Variants in ME2 observed in about 807,000 individuals in gnomAD.
The protein encoded by ME2 is malic enzyme 2.
In ME2, 60 loss-of-function variants were observed where a neutral mutation model predicts 73.7. That is an observed-to-expected ratio of 0.81 (90% CI 0.66 to 1.01). The LOEUF (loss-of-function observed/expected upper bound fraction) is 1.01. ME2 is among the 50% of genes least tolerant of loss of function. ME2 has a pLI of 0.00. For missense variants in ME2, 594 were observed against 705.5 expected, an observed-to-expected ratio of 0.84 and a Z score of 1.79; for synonymous variants, 199 against 236.9, an observed-to-expected ratio of 0.84 and a Z score of 1.47.
rs986525640 is a variant in ME2 at position 50,952,741 on chromosome 18, T to A, written c.*5557T>A. On this transcript the variant is annotated 3_prime_UTR_variant, in exon 16 of 16. Coordinates refer to ENST00000321341, the MANE Select transcript of ME2 (RefSeq NM_002396.5). The stretch of plus-strand genomic sequence containing the variant: ...TCCTTTCCTAGTTTTAAGTATATAT[T>A]CAAGCAAATCGTTGATTCCTATACA... The A allele has an allele frequency of 6.6e-6, 1 of 152,234 alleles. No individual in the cohort carries two copies. The highest frequency in any genetic ancestry group is 1.5e-5 in the Non-Finnish European group (1 of 68,040). The allele number at this position is 152,234 out of a possible 1,614,324, so 9.4% of individuals were successfully genotyped here.
At chr18:50,882,926 G>A (rs1916358823) in intron 1 of ME2, among the ~76,000 whole-genome samples, 1 of 151,926 alleles carries the variant, frequency 6.6e-6, no homozygotes, top group Admixed American at 6.6e-5. Context: ...TCCAGCCTGG[G>A]CGACAGTGAT....
At chr18:50,905,887 C>A (rs866837401) in intron 2 of ME2, among the ~76,000 whole-genome samples, 25 of 152,112 alleles carry the variant, frequency 1.6e-4, no homozygotes, top group African/African-American at 5.8e-4. Context: ...GCATGTCCGA[C>A]CCCCCATGCC....
chr18:50,925,655 CTG>C lies in ME2; in HGVS notation c.1172-97_1172-96del. On this transcript the variant is annotated intron_variant, in intron 11 of 15. Transcript: ENST00000321341. ...TGCTATCTTTGTAATGAGATATTAC[CTG>C]TGTTTTTATTATTGTAGGCCTATTG... 4 of 909,738 alleles carry C rather than the reference CTG, an allele frequency of 4.4e-6. No individual in the cohort carries two copies. The East Asian group carries it at 7.4e-5, about 17-fold the overall frequency. The allele number at this position is 909,738 out of a possible 1,614,324, so 56.4% of individuals were successfully genotyped here.
intron 3 of ME2, among the ~76,000 whole-genome samples, chr18:50,912,127 G>A (rs1917172238): frequency 6.6e-6 from 1 of 152,160 alleles, no homozygotes; most frequent in Non-Finnish European, 1.5e-5. Flanking sequence ...CGTGATAGCA[G>A]AAGAAACAAG....
chr18:50,892,473 G>A (rs978395360), intron 1 of ME2, among the ~76,000 whole-genome samples: 32 of 152,166 alleles, frequency 2.1e-4, no homozygotes, highest in African/African-American at 7.7e-4. Context: ...AATGTTTACT[G>A]TTGACTATTC....
intron 1 of ME2, among the ~76,000 whole-genome samples, chr18:50,885,689 A>G (rs1181161003): frequency 6.6e-6 from 1 of 152,078 alleles, no homozygotes; most frequent in Non-Finnish European, 1.5e-5. Context: ...TATTTTTAAC[A>G]CTGTGCTGCT....
chr18:50,893,568 G>A (rs888888485), intron 1 of ME2, among the ~76,000 whole-genome samples: 3 of 152,180 alleles, frequency 2.0e-5, no homozygotes, highest in Non-Finnish European at 4.4e-5. Context: ...GACTCAAAAA[G>A]TTTGTGTAGG....
intron 3 of ME2, among the ~76,000 whole-genome samples, chr18:50,908,701 T>G (rs1180575970): frequency 2.7e-5 from 4 of 148,536 alleles, no homozygotes; most frequent in Non-Finnish European, 6.0e-5. Context: ...AGTGCAGTGG[T>G]GCGATCTCAG....
intron 1 of ME2, among the ~76,000 whole-genome samples, chr18:50,885,940 G>A (rs530049069): frequency 1.2e-3 from 183 of 152,216 alleles, no homozygotes; most frequent in African/African-American, 2.2e-3. Flanking sequence ...AAGAAGTCCA[G>A]TGAAGAATTC....
chr18:50,920,798 T>C (rs1386534993), intron 9 of ME2, 40 bp downstream of exon 9: 2 of 1,431,290 alleles, frequency 1.4e-6, no homozygotes, highest in African/African-American at 2.9e-5. Flanking sequence ...GCCTATCCTC[T>C]CTTATAGAAT....
rs536853446 is a variant in ME2 at position 50,902,570 on chromosome 18, T to G, written c.109-5493T>G. On this transcript the variant is annotated intron_variant, in intron 2 of 15. Transcript: ENST00000321341. ...GTGCCACCACGCCTGGCTAATTTTG[T>G]ATTTTTGGTAGAGACGGGGTTTCAG... 8.5e-5 allele frequency among the ~76,000 whole-genome samples: 13 copies of G among 152,282 alleles called. No homozygotes were observed. In the South Asian group the frequency reaches 2.7e-3, roughly 32 times the overall value.
chr18:50,914,034 C>T (rs1031463275), intron 4 of ME2, among the ~76,000 whole-genome samples: 1 of 152,154 alleles, frequency 6.6e-6, no homozygotes, highest in African/African-American at 2.4e-5. Flanking sequence ...TGTCTAGTGG[C>T]TTTCAAACTT....
intron 13 of ME2, among the ~76,000 whole-genome samples, chr18:50,937,618 A>G (rs1917847557): frequency 6.6e-6 from 1 of 152,164 alleles, no homozygotes; most frequent in African/African-American, 2.4e-5. Context: ...AAGAGAAGGA[A>G]AGTTTTAAAA....
rs1446285030 is a variant in ME2 at position 50,925,740 on chromosome 18, C to A, written c.1172-16C>A. ...CCTATAATGAAGTTGCTGTTTTTCC[C>A]CCTTACTTATTACAGGAGTTGCAGG... On this transcript the variant is annotated splice_polypyrimidine_tract_variant and intron_variant, in intron 11 of 15. Transcript: ENST00000321341. 1 of 1,611,658 alleles carries A rather than the reference C, an allele frequency of 6.2e-7. No homozygotes were observed. The highest frequency in any genetic ancestry group is 8.5e-7 in the Non-Finnish European group (1 of 1,178,628).
chr18:50,939,457 G>A lies in ME2; in HGVS notation c.1418-113G>A, dbSNP rs144871433. 9,772 of 625,500 alleles carry A rather than the reference G, an allele frequency of 0.016. 126 individuals are homozygous for A. Among genetic ancestry groups the A allele is most frequent in the Middle Eastern group, 0.048 (179 of 3,742 alleles). 38.7% of individuals were successfully genotyped at this position (625,500 alleles called of 1,614,324 possible). A position where few individuals can be genotyped will look rare whatever the true frequency, so the allele number is the denominator to read the frequency against. Reference sequence around the variant, plus strand: ...TTCTTCTTGGCTGTTTTCTGTTTGGGGGGAGCTGTTTGCGATGTGGATGGA... The same window carrying A: ...TTCTTCTTGGCTGTTTTCTGTTTGGAGGGAGCTGTTTGCGATGTGGATGGA... On this transcript the variant is annotated intron_variant, in intron 13 of 15. Transcript: ENST00000321341.
chr18:50,919,791 GA>G, intron 7 of ME2, among the ~76,000 whole-genome samples: 1 of 152,024 alleles, frequency 6.6e-6, no homozygotes, highest in South Asian at 2.1e-4. Flanking sequence ...GGATGCAGAA[GA>G]AAGTCCCTCT....
At chr18:50,905,004 T>G (rs1385831811) in intron 2 of ME2, among the ~76,000 whole-genome samples, 1 of 152,030 alleles carries the variant, frequency 6.6e-6, no homozygotes, top group Non-Finnish European at 1.5e-5. Flanking sequence ...CATCTTTTTT[T>G]TGAGACGGAA....
rs982842887 is a variant in ME2, at chr18:50,950,986, T to C, written c.*3802T>C. The stretch of plus-strand genomic sequence containing the variant: ...ACAGAATAGTTTTCATCTAGTTTTA[T>C]TATGTTTTTACAGGCTGTTTACAAG... On this transcript the variant is annotated 3_prime_UTR_variant, in exon 16 of 16. Transcript: ENST00000321341. 4 of 152,226 alleles carry C rather than the reference T, an allele frequency of 2.6e-5. No individual in the cohort carries two copies. The highest frequency in any genetic ancestry group is 5.9e-5 in the Non-Finnish European group (4 of 68,038). The allele number at this position is 152,226 out of a possible 1,614,324, so 9.4% of individuals were successfully genotyped here.
chr18:50,933,022 A>G (rs1917735884), intron 13 of ME2: 1 of 152,226 alleles, frequency 6.6e-6, no homozygotes, highest in Non-Finnish European at 1.5e-5. Flanking sequence ...ATTGCTTAAT[A>G]TCGTTTATCA....
Sources: gnomAD v4.1 joint callset for allele counts (sites outside exome capture counted in the v4.1 genomes callset) on GRCh38, gnomAD v4.1.1 for gene constraint, MANE v1.5 for transcripts, NCBI Gene and HGNC (gene_info 2026-07-23, HGNC 2026-07-21) for gene names.